Variants in ACAD10 observed in about 807,000 individuals in gnomAD.
ACAD10 encodes the protein acyl-CoA dehydrogenase family member 10, also known as ACAD-10.
ACAD10 carries 112 observed loss-of-function variants against 116.8 expected under a neutral mutation model. The ratio of observed to expected loss-of-function variants is 0.96; its 90% CI spans 0.82 to 1.12. The LOEUF is 1.12. ACAD10 is among the 50% of genes most tolerant of loss of function. The pLI is 0.00. For missense variants in ACAD10, 1,259 were observed against 1,350.2 expected, an observed-to-expected ratio of 0.93 and a Z score of 1.06; for synonymous variants, 486 against 510.6, an observed-to-expected ratio of 0.95 and a Z score of 0.65.
rs771538277 is a variant in ACAD10 at position 111,736,910 on chromosome 12, G to A, written c.1620G>A (p.Gly540=). The A allele has an allele frequency of 1.9e-6, 3 of 1,614,098 alleles. No homozygotes were observed. The highest frequency in any genetic ancestry group is 2.5e-6 in the Non-Finnish European group (3 of 1,180,018). ...TCAGGATGTACTGTCTCCAAATGGG[G>A]CTCCCTCCCACTGAGAACTGGAACT... ...EYFRMYCLQM[G]LPPTENWNFY... Residue 540 remains glycine (G), a synonymous_variant, in exon 12 of 21, where the codon GGG becomes GGA. Transcript: ENST00000313698.
intron 3 of ACAD10, 67 bp downstream of exon 3, chr12:111,702,377 A>C: frequency 6.4e-7 from 1 of 1,560,440 alleles, no homozygotes; most frequent in Non-Finnish European, 8.7e-7. Context: ...TGCAACATTC[A>C]TGTATAAGTT....
At chr12:111,701,930 T>G (rs1190031115) in intron 2 of ACAD10, among the ~76,000 whole-genome samples, 1 of 152,210 alleles carries the variant, frequency 6.6e-6, no homozygotes, top group Non-Finnish European at 1.5e-5. Flanking sequence ...AAGCAACCAC[T>G]GAGGATCTGA....
chr12:111,702,289 T>C lies in ACAD10; in HGVS notation c.315T>C (p.Phe105=), dbSNP rs1888369287. The C allele has an allele frequency of 1.1e-5, 17 of 1,614,188 alleles. No homozygotes were observed. The highest frequency in any genetic ancestry group is 1.4e-5 in the Non-Finnish European group (16 of 1,180,030). The change falls in exon 3 of 21, where the codon TTT becomes TTC. Residue 105 remains phenylalanine (F), a synonymous_variant. Transcript: ENST00000313698. The part of the protein sequence containing the change: ...EITAEGFLRE[F]GRLCSEMLKT... ...CAGCAGAGGGTTTTTTACGAGAATT[T>C]GGGAGACTTTGCTCTGAAATGGTGA...
At chr12:111,745,092 C>T in intron 13 of ACAD10, 49 bp downstream of exon 13, 2 of 1,561,354 alleles carry the variant, frequency 1.3e-6, no homozygotes, top group South Asian at 1.2e-5. Flanking sequence ...ATGGCATACC[C>T]TCCCCGACCC....
chr12:111,692,573 G>A (rs1677110493), intron 1 of ACAD10, 124 bp from the exon 2 acceptor site: 1 of 921,120 alleles, frequency 1.1e-6, no homozygotes, highest in African/African-American at 1.7e-5. Context: ...AGTTGTGGGT[G>A]TGATTCGAAG....
intron 12 of ACAD10, 94 bp from the exon 13 acceptor site, chr12:111,744,549 G>C (rs1406188334): frequency 6.9e-7 from 1 of 1,456,816 alleles, no homozygotes; most frequent in African/African-American, 1.4e-5. Context: ...TCAGCAAATG[G>C]CAATAGCTGC....
chr12:111,692,729 T>C lies in ACAD10; in HGVS notation c.20T>C (p.Phe7Ser). 6.2e-7 allele frequency: 1 copy of C among 1,614,022 alleles called. No homozygotes were observed. Among genetic ancestry groups the C allele is most frequent in the South Asian group, 1.1e-5 (1 of 91,082 alleles). MCVRSCFQSPRLQWVWR... is the reference protein window; with the variant it reads MCVRSCSQSPRLQWVWR... ...CTCACCATGTGTGTCAGGAGCTGTTTCCAGTCCCCCCGTCTCCAGTGGGTG... is the reference window on the plus strand; with the variant it reads ...CTCACCATGTGTGTCAGGAGCTGTTCCCAGTCCCCCCGTCTCCAGTGGGTG... The change falls in exon 2 of 21, where the codon TTC becomes TCC. Residue 7 changes from phenylalanine to serine, a missense_variant. Phe to Ser is a radical substitution (Grantham distance 155). Coordinates refer to ENST00000313698, the MANE Select transcript of ACAD10 (RefSeq NM_025247.6).
At chr12:111,733,800 C>G in intron 10 of ACAD10, 123 bp from the exon 11 acceptor site, 1 of 1,226,708 alleles carries the variant, frequency 8.2e-7, no homozygotes, top group Non-Finnish European at 1.2e-6. Context: ...GGAGCTCAGG[C>G]ACCCGGGCAC....
rs777352094 is a variant in ACAD10, at chr12:111,756,616, A to T, written c.*143A>T. The T allele has an allele frequency of 1.5e-5, 20 of 1,302,360 alleles. No individual in the cohort carries two copies. 80.7% of individuals were successfully genotyped at this position (1,302,360 alleles called of 1,614,324 possible). A position where few individuals can be genotyped will look rare whatever the true frequency, so the allele number is the denominator to read the frequency against. On this transcript the variant is annotated 3_prime_UTR_variant, in exon 21 of 21. Coordinates refer to ENST00000313698, the MANE Select transcript of ACAD10 (RefSeq NM_025247.6). ...TCCCGGGACAGTCAGGGTGGACTCA[A>T]TCTTTCTGGTTCTCCACAGAAGACG... is the stretch of plus-strand genomic sequence containing the variant.
intron 14 of ACAD10, 48 bp downstream of exon 14, chr12:111,746,332 C>A (rs1889899243): frequency 1.3e-6 from 2 of 1,574,218 alleles, no homozygotes; most frequent in African/African-American, 2.7e-5. Flanking sequence ...TCCTGATCTT[C>A]ATAAGAACTC....
chr12:111,746,667 C>T (rs1214703785), intron 14 of ACAD10, among the ~76,000 whole-genome samples: 3 of 152,060 alleles, frequency 2.0e-5, no homozygotes, highest in African/African-American at 7.2e-5. Context: ...GGATTACAGG[C>T]GTGAGCCACC....
intron 8 of ACAD10, among the ~76,000 whole-genome samples, chr12:111,724,113 T>G (rs571531438): frequency 0.015 from 1,734 of 119,518 alleles, 43 homozygotes; most frequent in African/African-American, 0.054. Flanking sequence ...TGGGATGGCG[T>G]CTGGGCGGAT....
intron 16 of ACAD10, 155 bp downstream of exon 16, chr12:111,747,540 G>T: frequency 6.8e-7 from 1 of 1,476,052 alleles, no homozygotes; most frequent in East Asian, 2.4e-5. Context: ...TGGGAGAATA[G>T]GAGGGTAATC....
chr12:111,690,466 G>A (rs1422591834), intron 1 of ACAD10: 1 of 151,968 alleles, frequency 6.6e-6, no homozygotes, highest in Non-Finnish European at 1.5e-5. Context: ...CGGATATTTG[G>A]ATTAGGGATG....
chr12:111,742,583 G>A (rs1889774219), intron 12 of ACAD10, among the ~76,000 whole-genome samples: 1 of 152,048 alleles, frequency 6.6e-6, no homozygotes, highest in Non-Finnish European at 1.5e-5. Flanking sequence ...GTCTCAGCTG[G>A]GCATGGTGGC....
chr12:111,735,132 G>A (rs1889510667), intron 11 of ACAD10, among the ~76,000 whole-genome samples: 1 of 151,656 alleles, frequency 6.6e-6, no homozygotes, highest in African/African-American at 2.4e-5. Flanking sequence ...GCTGAGGCAG[G>A]AGAATGGTGT....
intron 1 of ACAD10, among the ~76,000 whole-genome samples, chr12:111,689,154 G>A (rs912772535): frequency 5.3e-5 from 8 of 151,902 alleles, no homozygotes; most frequent in Non-Finnish European, 1.2e-4. Context: ...TCATGCCACC[G>A]CATTCCAGCC....
chr12:111,712,700 G>C (rs537513713), intron 6 of ACAD10, 43 bp downstream of exon 6: 1 of 1,596,186 alleles, frequency 6.3e-7, no homozygotes, highest in Admixed American at 1.7e-5. Flanking sequence ...TCTCCAAGGC[G>C]AAGGTTTTGG....
At chr12:111,700,355 T>C (rs927259749) in intron 2 of ACAD10, among the ~76,000 whole-genome samples, 2 of 152,260 alleles carry the variant, frequency 1.3e-5, no homozygotes, top group Non-Finnish European at 1.5e-5. Context: ...TTCTTTTTAT[T>C]ATGAGCAATT....
Sources: gnomAD v4.1 joint callset for allele counts (sites outside exome capture counted in the v4.1 genomes callset) on GRCh38, gnomAD v4.1.1 for gene constraint, MANE v1.5 for transcripts, NCBI Gene and HGNC (gene_info 2026-07-23, HGNC 2026-07-21) for gene names.